The following PCDHGA3 variants were observed in gnomAD, a reference collection of about 807,000 sequenced individuals.
PCDHGA3 encodes the protein protocadherin gamma subfamily A, 3, also known as protocadherin gamma-A3.
Under a neutral mutation model 58.5 loss-of-function variants are expected in PCDHGA3, and 40 were observed. The ratio of observed to expected loss-of-function variants is 0.68; its 90% CI spans 0.53 to 0.89. The LOEUF is 0.89. PCDHGA3 is among the 40% of genes least tolerant of loss of function. PCDHGA3 has a pLI of 0.00. For synonymous variants in PCDHGA3, 530 were observed against 525.7 expected (o/e 1.01, Z -0.11); for missense variants, 1,223 against 1,195.9 (o/e 1.02, Z -0.33).
At chr5:141,446,873 A>T (rs1324695415) in intron 1 of PCDHGA3, among the ~76,000 whole-genome samples, 1 of 152,132 alleles carries the variant, frequency 6.6e-6, no homozygotes, top group African/African-American at 2.4e-5. Flanking sequence ...CTACACTGGT[A>T]TGTTTTGGGG....
intron 1 of PCDHGA3, chr5:141,385,134 G>T (rs774973571): frequency 6.2e-7 from 1 of 1,614,188 alleles, no homozygotes; most frequent in East Asian, 2.2e-5. Flanking sequence ...GCATGGACGG[G>T]GTGCAGGCTT....
intron 1 of PCDHGA3, among the ~76,000 whole-genome samples, chr5:141,450,572 T>C (rs1276283357): frequency 6.6e-6 from 1 of 151,710 alleles, no homozygotes; most frequent in Non-Finnish European, 1.5e-5. Context: ...CTGCAACTTC[T>C]GCCTCCCAGG....
chr5:141,496,876 A>G (rs964149656), intron 2 of PCDHGA3, among the ~76,000 whole-genome samples: 1 of 149,154 alleles, frequency 6.7e-6, no homozygotes, highest in African/African-American at 2.5e-5. Flanking sequence ...AAAATTTGCA[A>G]CAAGTAACAC....
chr5:141,345,569 C>G lies in PCDHGA3; in HGVS notation c.1536C>G (p.Gly512=), dbSNP rs749384944. 6 of 1,614,194 alleles carry G rather than the reference C, an allele frequency of 3.7e-6. No homozygotes were observed. Among genetic ancestry groups the G allele is most frequent in the Non-Finnish European group, 5.1e-6 (6 of 1,180,036 alleles). Residue 512 remains glycine, a synonymous_variant, in exon 1 of 4, where the codon GGC becomes GGG. Transcript: ENST00000253812. ...SSFVSINSNT[G]VLYALRSFDY... ...TCGTCTCTATCAACTCCAACACTGG[C>G]GTCCTATACGCGCTGAGATCCTTCG...
chr5:141,423,327 A>C, intron 1 of PCDHGA3: 1 of 1,614,100 alleles, frequency 6.2e-7, no homozygotes, highest in Non-Finnish European at 8.5e-7. Context: ...CGGTGGCCGC[A>C]GTCTCCTGCA....
intron 1 of PCDHGA3, chr5:141,384,230 A>G (rs771827146): frequency 1.2e-6 from 2 of 1,613,916 alleles, no homozygotes; most frequent in Admixed American, 3.3e-5. Flanking sequence ...CAGGTGGCAG[A>G]CACCAACGAT....
At chr5:141,419,419 C>T (rs767018815) in intron 1 of PCDHGA3, 1 of 1,613,266 alleles carries the variant, frequency 6.2e-7, no homozygotes, top group Non-Finnish European at 8.5e-7. Flanking sequence ...AGCGCGCCTT[C>T]GACCACGAGC....
chr5:141,428,609 A>G, intron 1 of PCDHGA3: 1 of 215,052 alleles, frequency 4.7e-6, no homozygotes, highest in South Asian at 7.9e-5. Context: ...ACTGAAGAGA[A>G]TAACAAGATA....
At chr5:141,494,099 C>T (rs976610819) in intron 1 of PCDHGA3, among the ~76,000 whole-genome samples, 3 of 152,172 alleles carry the variant, frequency 2.0e-5, no homozygotes, top group South Asian at 2.1e-4. Context: ...CATTTTTCTC[C>T]GTCTCAGACA....
chr5:141,486,671 C>T lies in PCDHGA3; in HGVS notation c.2425-8136C>T, dbSNP rs1307620045. The T allele has an allele frequency of 1.9e-6, 3 of 1,613,926 alleles. No homozygotes were observed. Among genetic ancestry groups the T allele is most frequent in the South Asian group, 1.1e-5 (1 of 91,078 alleles). On this transcript the variant is annotated intron_variant, in intron 1 of 3. Coordinates refer to ENST00000253812, the MANE Select transcript of PCDHGA3 (RefSeq NM_018916.4). This position sits in a 1 kb window ranked among gnomAD's most constrained non-coding sequence, Gnocchi z 5.0. Reference sequence around the variant, plus strand: ...CTACTCACTCCTGGAGCCCAGGAATCGAGATGTATCAGCTTCCTCTTTCAT... The same window carrying T: ...CTACTCACTCCTGGAGCCCAGGAATTGAGATGTATCAGCTTCCTCTTTCAT...
intron 1 of PCDHGA3, chr5:141,415,428 G>C (rs948747218): frequency 1.2e-6 from 2 of 1,614,088 alleles, no homozygotes; most frequent in Non-Finnish European, 1.7e-6. Context: ...ACGGGGTTCG[G>C]GCTTTCCTGC....
At position 141,405,049 on chromosome 5, in the gene PCDHGA3, C is replaced by T. The variant is rs190786640; in HGVS notation, c.2424+58592C>T. 223 of 1,613,936 alleles carry T rather than the reference C, an allele frequency of 1.4e-4. 1 individual carries two copies. The African/African-American group carries it at 1.9e-3, about 14-fold the overall frequency. On this transcript the variant is annotated intron_variant, in intron 1 of 3. Coordinates refer to ENST00000253812, the MANE Select transcript of PCDHGA3 (RefSeq NM_018916.4). ...TCTACCTCGTTGTGGCTGTGGCAGTCGTCTCCTGTGTCTTCCTCACCTTCG... is the reference window on the plus strand; with the variant it reads ...TCTACCTCGTTGTGGCTGTGGCAGTTGTCTCCTGTGTCTTCCTCACCTTCG...
At chr5:141,353,603 C>G (rs953470140) in intron 1 of PCDHGA3, among the ~76,000 whole-genome samples, 1 of 152,120 alleles carries the variant, frequency 6.6e-6, no homozygotes, top group East Asian at 1.9e-4. Context: ...TTTTCTTAAC[C>G]ATTCCTAAAT....
intron 1 of PCDHGA3, chr5:141,356,408 GGTTGTT>G: frequency 3.8e-6 from 6 of 1,595,544 alleles, no homozygotes; most frequent in Non-Finnish European, 5.1e-6. Flanking sequence ...AATTATTATC[GGTTGTT>G]GACACACAGA....
chr5:141,386,123 T>C (rs1477033454), intron 1 of PCDHGA3: 1 of 152,112 alleles, frequency 6.6e-6, no homozygotes, highest in African/African-American at 2.4e-5. Flanking sequence ...AAGTGGGAGA[T>C]TGGGGATACT....
intron 1 of PCDHGA3, among the ~76,000 whole-genome samples, chr5:141,381,021 A>C (rs1337045827): frequency 6.6e-6 from 1 of 152,244 alleles, no homozygotes; most frequent in Non-Finnish European, 1.5e-5. Context: ...TACCTCTATT[A>C]GTTCCTTTAA....
At chr5:141,385,196 G>A (rs760255338) in intron 1 of PCDHGA3, 3 of 1,614,230 alleles carry the variant, frequency 1.9e-6, no homozygotes, top group Non-Finnish European at 2.5e-6. Context: ...TCTCGGAAGA[G>A]TCACCTGATC....
chr5:141,352,563 C>T (rs1460025344), intron 1 of PCDHGA3: 3 of 1,613,816 alleles, frequency 1.9e-6, no homozygotes, highest in African/African-American at 1.3e-5. Context: ...AACCTGACAC[C>T]GGAAATGGCT....
intron 1 of PCDHGA3, chr5:141,415,035 C>G (rs368588973): frequency 5.6e-6 from 9 of 1,613,578 alleles, no homozygotes; most frequent in South Asian, 1.1e-5. Context: ...AGCCGGGACT[C>G]TTCGCGGTGG....
Sources: gnomAD v4.1 joint callset for allele counts (sites outside exome capture counted in the v4.1 genomes callset) on GRCh38, gnomAD v4.1.1 for gene constraint, Gnocchi (gnomAD v3.1) non-coding constraint, MANE v1.5 for transcripts, NCBI Gene and HGNC (gene_info 2026-07-23, HGNC 2026-07-21) for gene names.